Variants in TFRC observed in about 807,000 individuals in gnomAD.
The protein encoded by TFRC is transferrin receptor protein 1.
Under a neutral mutation model 85.8 loss-of-function variants are expected in TFRC, and 35 were observed. The ratio of observed to expected loss-of-function variants is 0.41; its 90% CI spans 0.31 to 0.54. The LOEUF (loss-of-function observed/expected upper bound fraction) is 0.54. Ranked by LOEUF, TFRC falls within the 20% of genes least tolerant of loss-of-function variation. TFRC has a pLI of 0.31. For missense variants in TFRC, 828 were observed against 921.5 expected, an observed-to-expected ratio of 0.90 and a Z score of 1.31; for synonymous variants, 362 against 328.6, an observed-to-expected ratio of 1.10 and a Z score of -1.10.
Position 196,055,261 on chromosome 3 carries a change from T to C in TFRC, c.1718A>G (p.Tyr573Cys), listed in dbSNP as rs779763743. Residue 573 changes from tyrosine (Y) to cysteine (C), a missense_variant, in exon 17 of 19, where the codon TAT becomes TGT. Tyr to Cys is a radical substitution (Grantham distance 194). Transcript: ENST00000360110. ...AGGAATCCTCTCAATCAGTTCCTTATAGGTGTCCATGGTGGTACCCAAATA... is the reference window on the plus strand; with the variant it reads ...AGGAATCCTCTCAATCAGTTCCTTACAGGTGTCCATGGTGGTACCCAAATA... ...YPYLGTTMDT[Y>C]KELIERIPEL... 4 of 1,614,264 alleles carry C rather than the reference T, an allele frequency of 2.5e-6. No individual in the cohort carries two copies. Among genetic ancestry groups the C allele is most frequent in the South Asian group, 1.1e-5 (1 of 91,086 alleles).
chr3:196,050,551 G>A lies in TFRC; in HGVS notation c.*1391C>T. 1 of 203,772 alleles carries A rather than the reference G, an allele frequency of 4.9e-6. No individual in the cohort carries two copies. The highest frequency in any genetic ancestry group is 1.0e-5 in the Non-Finnish European group (1 of 99,088). 12.6% of individuals were successfully genotyped at this position (203,772 alleles called of 1,614,324 possible). A position where few individuals can be genotyped will look rare whatever the true frequency, so the allele number is the denominator to read the frequency against. On this transcript the variant is annotated 3_prime_UTR_variant, in exon 19 of 19. Coordinates refer to ENST00000360110, the MANE Select transcript of TFRC (RefSeq NM_001128148.3). ...GTCTCCGATACAGACACTGTGGTAGGTAAAAACTACCTTGTTCTTTATACA... is the reference window on the plus strand; with the variant it reads ...GTCTCCGATACAGACACTGTGGTAGATAAAAACTACCTTGTTCTTTATACA...
Position 196,062,657 on chromosome 3 carries a change from G to C in TFRC, c.1405-12C>G. The C allele has an allele frequency of 6.3e-7, 1 of 1,598,376 alleles. No individual in the cohort carries two copies. Among genetic ancestry groups the C allele is most frequent in the South Asian group, 1.1e-5 (1 of 88,286 alleles). On this transcript the variant is annotated splice_polypyrimidine_tract_variant and intron_variant, in intron 12 of 18. Transcript: ENST00000360110. ...GACGAAAGGTATCCCTAGAAGAGAA[G>C]GGAAAACACTAATAAGTATAAATCT...
intron 13 of TFRC, among the ~76,000 whole-genome samples, chr3:196,061,495 TG>T (rs1717279278): frequency 6.6e-6 from 1 of 152,126 alleles, no homozygotes; most frequent in Non-Finnish European, 1.5e-5. Context: ...CCAGTTTTTT[TG>T]TTTGTTTTTT....
rs567641222 is a variant in TFRC at position 196,075,566 on chromosome 3, A to G, written c.37-206T>C. On this transcript the variant is annotated intron_variant, in intron 2 of 18. Transcript: ENST00000360110. Reference sequence around the variant, plus strand: ...TCAGTCAGTCTCTCCCTTTTTGTAAATTTTTTTTTTTTTTTGAGACAAGGT... The same window carrying G: ...TCAGTCAGTCTCTCCCTTTTTGTAAGTTTTTTTTTTTTTTTGAGACAAGGT... 1.6e-4 allele frequency among the ~76,000 whole-genome samples: 23 copies of G among 144,110 alleles called. No individual in the cohort carries two copies. In the East Asian group the frequency reaches 4.4e-3, roughly 28 times the overall value. The allele number at this position is 144,110 out of a possible 152,430, so 94.5% of individuals were successfully genotyped here. A position where few individuals can be genotyped will look rare whatever the true frequency, so the allele number is the denominator to read the frequency against.
intron 5 of TFRC, 58 bp downstream of exon 5, chr3:196,071,945 T>C (rs1198470892): frequency 6.4e-7 from 1 of 1,573,128 alleles, no homozygotes; most frequent in Non-Finnish European, 8.6e-7. Context: ...TTTGCTATAT[T>C]TAGCACACCT....
intron 16 of TFRC, chr3:196,057,919 A>G: frequency 6.2e-6 from 1 of 161,020 alleles, no homozygotes; most frequent in Non-Finnish European, 1.3e-5. Flanking sequence ...TCACCCTTGT[A>G]TGTCTGATAA....
intron 10 of TFRC, among the ~76,000 whole-genome samples, chr3:196,065,028 G>C (rs1019047598): frequency 6.6e-6 from 1 of 151,858 alleles, no homozygotes; most frequent in East Asian, 1.9e-4. Flanking sequence ...GAGGCTGAGG[G>C]AGGCAGATCA....
Position 196,051,828 on chromosome 3 carries a change from TG to T in TFRC, c.*113del. On this transcript the variant is annotated 3_prime_UTR_variant, in exon 19 of 19. Coordinates refer to ENST00000360110, the MANE Select transcript of TFRC (RefSeq NM_001128148.3). The stretch of plus-strand genomic sequence containing the variant: ...AAGACATCTAGTAGTACCAAGATGA[TG>T]GGATGGAATTTTAACATCAGGTTTT... 1 of 1,287,762 alleles carries T rather than the reference TG, an allele frequency of 7.8e-7. No individual in the cohort carries two copies. Among genetic ancestry groups the T allele is most frequent in the Non-Finnish European group, 1.1e-6 (1 of 927,538 alleles). The allele number at this position is 1,287,762 out of a possible 1,614,324, so 79.8% of individuals were successfully genotyped here.
chr3:196,060,918 C>T (rs535801077), intron 13 of TFRC, among the ~76,000 whole-genome samples: 2 of 152,040 alleles, frequency 1.3e-5, no homozygotes, highest in African/African-American at 4.8e-5. Flanking sequence ...CAGCCTCCCC[C>T]ATTAGCAATT....
intron 16 of TFRC, among the ~76,000 whole-genome samples, chr3:196,055,781 C>A (rs1716731781): frequency 6.6e-6 from 1 of 150,852 alleles, no homozygotes; most frequent in Non-Finnish European, 1.5e-5. Flanking sequence ...AATCATGACT[C>A]CCCGCAGCCT....
intron 9 of TFRC, among the ~76,000 whole-genome samples, chr3:196,066,269 G>T (rs1717734822): frequency 6.6e-6 from 1 of 152,080 alleles, no homozygotes; most frequent in Admixed American, 6.6e-5. Context: ...CCACTAACAA[G>T]GATAGTACAC....
intron 13 of TFRC, among the ~76,000 whole-genome samples, chr3:196,061,018 G>T (rs1321486179): frequency 6.6e-6 from 1 of 152,032 alleles, no homozygotes; most frequent in Non-Finnish European, 1.5e-5. Flanking sequence ...ATACAACAGG[G>T]AAATAACTAA....
rs1040120723 is a variant in TFRC at position 196,051,635 on chromosome 3, C to A, written c.*307G>T. On this transcript the variant is annotated 3_prime_UTR_variant, in exon 19 of 19. Transcript: ENST00000360110. ...GGATTCAGAGAGATCATTCACATAA[C>A]TGGTTTCTGACATTTTCATTAACAA... 2.5e-5 allele frequency: 9 copies of A among 358,398 alleles called. No homozygotes were observed. Among genetic ancestry groups the A allele is most frequent in the African/African-American group, 1.9e-4 (9 of 48,222 alleles). 22.2% of individuals were successfully genotyped at this position (358,398 alleles called of 1,614,324 possible).
rs41297465 is a variant in TFRC at position 196,062,416 on chromosome 3, C to T, written c.1468+166G>A. ...GGTGTGGTAGTGAGCACCTGTAATCCCAGCTACTCAGGAGGCTAAGGCAGG... is the reference window on the plus strand; with the variant it reads ...GGTGTGGTAGTGAGCACCTGTAATCTCAGCTACTCAGGAGGCTAAGGCAGG... On this transcript the variant is annotated intron_variant, in intron 13 of 18. Coordinates refer to ENST00000360110, the MANE Select transcript of TFRC (RefSeq NM_001128148.3). 4,010 of 619,658 alleles carry T rather than the reference C, an allele frequency of 6.5e-3. 125 individuals carry two copies. In the African/African-American group the frequency reaches 0.068, roughly 11 times the overall value. The allele number at this position is 619,658 out of a possible 1,614,324, so 38.4% of individuals were successfully genotyped here.
chr3:196,058,202 A>C (rs1716973409), intron 16 of TFRC, 82 bp downstream of exon 16: 2 of 1,155,484 alleles, frequency 1.7e-6, no homozygotes, highest in Admixed American at 3.9e-5. Context: ...AGGCATTCCC[A>C]TTGCAATGCC....
intron 4 of TFRC, among the ~76,000 whole-genome samples, chr3:196,073,329 C>T (rs1380950938): frequency 1.3e-5 from 2 of 150,550 alleles, no homozygotes; most frequent in Admixed American, 6.6e-5. Flanking sequence ...TGTGGTGCTG[C>T]GTGCTTATAG....
In TFRC at chr3:196,050,147, C is replaced by T. The variant is rs749316392; in HGVS notation, c.*1795G>A. On this transcript the variant is annotated 3_prime_UTR_variant, in exon 19 of 19. Transcript: ENST00000360110. ...GGTCAATTCTGGATTAAAACTTGTC[C>T]GCACTAAGTTTATAGGAGGTAACAT... The T allele has an allele frequency of 4.4e-6, 1 of 229,716 alleles. No homozygotes were observed. The highest frequency in any genetic ancestry group is 6.2e-5 in the East Asian group (1 of 16,154). The allele number at this position is 229,716 out of a possible 1,614,324, so 14.2% of individuals were successfully genotyped here. A position where few individuals can be genotyped will look rare whatever the true frequency, so the allele number is the denominator to read the frequency against.
At chr3:196,064,559 T>C (rs1717559700) in intron 10 of TFRC, 131 bp from the exon 11 acceptor site, 2 of 784,034 alleles carry the variant, frequency 2.6e-6, no homozygotes, top group African/African-American at 1.8e-5. Context: ...ACTTCAAATC[T>C]GACTAAAAAC....
chr3:196,059,654 G>A (rs1292378677), intron 14 of TFRC, among the ~76,000 whole-genome samples: 1 of 151,048 alleles, frequency 6.6e-6, no homozygotes, highest in African/African-American at 2.4e-5. Context: ...GGGTACATGT[G>A]CACATTGTGC....
Sources: gnomAD v4.1 joint callset for allele counts (sites outside exome capture counted in the v4.1 genomes callset) on GRCh38, gnomAD v4.1.1 for gene constraint, MANE v1.5 for transcripts, NCBI Gene and HGNC (gene_info 2026-07-23, HGNC 2026-07-21) for gene names.